The following PDE3A variants were observed in gnomAD, a reference collection of about 807,000 sequenced individuals.
PDE3A encodes the protein phosphodiesterase 3A.
In PDE3A, 43 loss-of-function variants were observed where a neutral mutation model predicts 98.3. The observed-to-expected ratio is 0.44, with a 90% CI of 0.34 to 0.56. PDE3A has a LOEUF of 0.56. Ranked by LOEUF, PDE3A falls within the 20% of genes least tolerant of loss-of-function variation. The pLI, the probability that PDE3A is intolerant of heterozygous loss-of-function variation, is 0.01. For synonymous variants in PDE3A, 663 were observed against 567.9 expected (o/e 1.17, Z -2.38); for missense variants, 1,427 against 1,440.7 (o/e 0.99, Z 0.15).
chr12:20,441,556 G>A (rs933753624), intron 1 of PDE3A, among the ~76,000 whole-genome samples: 1 of 152,162 alleles, frequency 6.6e-6, no homozygotes, highest in Non-Finnish European at 1.5e-5. Flanking sequence ...AAGTAGAAAT[G>A]TATGGATAAA....
chr12:20,459,518 C>A (rs1428605235), intron 1 of PDE3A, among the ~76,000 whole-genome samples: 1 of 151,992 alleles, frequency 6.6e-6, no homozygotes, highest in Non-Finnish European at 1.5e-5. Context: ...TTTACATACA[C>A]CTTTTAATGT....
chr12:20,659,947 C>A (rs562524608), intron 15 of PDE3A, among the ~76,000 whole-genome samples: 1 of 152,114 alleles, frequency 6.6e-6, no homozygotes, highest in African/African-American at 2.4e-5. Context: ...TACATATACA[C>A]AAAAGTAAAG....
At chr12:20,613,897 T>C (rs1320612357) in intron 3 of PDE3A, among the ~76,000 whole-genome samples, 197 bp downstream of exon 3, 1 of 152,172 alleles carries the variant, frequency 6.6e-6, no homozygotes, top group African/African-American at 2.4e-5. Context: ...TTTCTATACA[T>C]AGAAAATTTA....
intron 2 of PDE3A, among the ~76,000 whole-genome samples, chr12:20,603,743 T>C (rs1044699745): frequency 4.6e-5 from 7 of 152,186 alleles, no homozygotes; most frequent in African/African-American, 1.7e-4. Context: ...TGGTGATGTA[T>C]AATACTTATC....
chr12:20,551,858 G>A lies in PDE3A; in HGVS notation c.961-4802G>A, dbSNP rs967813799. 5.0e-6 allele frequency: 8 copies of A among 1,613,688 alleles called. No individual in the cohort carries two copies. In the Admixed American group the frequency reaches 1.2e-4, roughly 24 times the overall value. ...GCCTGTGTGGGCCGCACCAAGGAAT[G>A]TACCATCATCCCGTCCAACCACTAC... On this transcript the variant is annotated intron_variant, in intron 1 of 15. Coordinates refer to ENST00000359062, the MANE Select transcript of PDE3A (RefSeq NM_000921.5).
intron 1 of PDE3A, among the ~76,000 whole-genome samples, chr12:20,468,003 G>T (rs1214153383): frequency 1.8e-5 from 2 of 110,126 alleles, no homozygotes; most frequent in Admixed American, 1.1e-4. Context: ...GGATGAGAAC[G>T]TTTCTTGAAA....
intron 1 of PDE3A, among the ~76,000 whole-genome samples, chr12:20,392,588 T>G (rs1433877687): frequency 6.6e-6 from 1 of 151,874 alleles, no homozygotes; most frequent in Non-Finnish European, 1.5e-5. Flanking sequence ...GAAAACAGTA[T>G]GGAGGTTCCT....
At chr12:20,554,959 G>A (rs1028218113) in intron 1 of PDE3A, among the ~76,000 whole-genome samples, 26 of 151,864 alleles carry the variant, frequency 1.7e-4, no homozygotes, top group African/African-American at 6.0e-4. Context: ...CCCCAAATTT[G>A]GTTAAGTTTT....
chr12:20,427,794 T>C (rs775332893), intron 1 of PDE3A, among the ~76,000 whole-genome samples: 1 of 152,102 alleles, frequency 6.6e-6, no homozygotes, highest in Non-Finnish European at 1.5e-5. Context: ...AGTCACATTT[T>C]TTTTTCTTTT....
intron 1 of PDE3A, among the ~76,000 whole-genome samples, chr12:20,480,900 G>A (rs886190123): frequency 6.6e-6 from 1 of 152,206 alleles, no homozygotes; most frequent in Non-Finnish European, 1.5e-5. Context: ...AGGAGAAATT[G>A]TCTTCATTGA....
At chr12:20,569,732 A>C (rs1942750147) in intron 2 of PDE3A, among the ~76,000 whole-genome samples, 1 of 152,184 alleles carries the variant, frequency 6.6e-6, no homozygotes, top group African/African-American at 2.4e-5. Context: ...TTTGCACTTA[A>C]GTTTTTAATA....
intron 1 of PDE3A, among the ~76,000 whole-genome samples, chr12:20,478,556 A>G (rs951671660): frequency 6.6e-6 from 1 of 152,148 alleles, no homozygotes; most frequent in African/African-American, 2.4e-5. Context: ...TTGACATTCA[A>G]TAAAGACTCA....
chr12:20,562,284 G>A (rs371545671), intron 2 of PDE3A, among the ~76,000 whole-genome samples: 66 of 143,674 alleles, frequency 4.6e-4, no homozygotes, highest in African/African-American at 1.6e-3. Flanking sequence ...GCAGTGGTGC[G>A]ATCTCAGCTC....
chr12:20,603,908 C>T (rs1167820820), intron 2 of PDE3A, among the ~76,000 whole-genome samples: 4 of 152,112 alleles, frequency 2.6e-5, no homozygotes, highest in African/African-American at 9.7e-5. Context: ...TGGTGGCTCA[C>T]GCCTGTAATC....
At position 20,462,546 on chromosome 12, in the gene PDE3A, G is replaced by A. The variant is rs148267056; in HGVS notation, c.960+92302G>A. On this transcript the variant is annotated intron_variant, in intron 1 of 15. Transcript: ENST00000359062. The stretch of plus-strand genomic sequence containing the variant: ...TGGTTGTTTGTGAAGATTAGGGTCA[G>A]TAATAGACCCCTTTTAATAATTGTA... Among the ~76,000 whole-genome samples the A allele has an allele frequency of 1.1e-4, 17 of 152,288 alleles. No individual in the cohort carries two copies. The East Asian group carries it at 2.3e-3, about 21-fold the overall frequency.
At chr12:20,516,712 T>C (rs1053359451) in intron 1 of PDE3A, among the ~76,000 whole-genome samples, 4 of 152,236 alleles carry the variant, frequency 2.6e-5, no homozygotes, top group African/African-American at 7.2e-5. Flanking sequence ...TGCTATGGCC[T>C]CTTTGACTAC....
At chr12:20,424,643 G>A (rs112529725) in intron 1 of PDE3A, among the ~76,000 whole-genome samples, 10 of 152,182 alleles carry the variant, frequency 6.6e-5, no homozygotes, top group Non-Finnish European at 2.9e-5. Flanking sequence ...GATGATTTAT[G>A]TTGGAACTGC....
chr12:20,508,806 T>C (rs1214608472), intron 1 of PDE3A, among the ~76,000 whole-genome samples: 1 of 32,990 alleles, frequency 3.0e-5, no homozygotes, highest in Non-Finnish European at 5.6e-5. Flanking sequence ...AACCAAGTAG[T>C]TGATACCAAA....
chr12:20,633,209 G>A (rs1041302026), intron 6 of PDE3A, among the ~76,000 whole-genome samples: 4 of 151,994 alleles, frequency 2.6e-5, no homozygotes, highest in African/African-American at 9.7e-5. Context: ...CCTTGGCCTC[G>A]AAAAGTGCTG....
Sources: gnomAD v4.1 joint callset for allele counts (sites outside exome capture counted in the v4.1 genomes callset) on GRCh38, gnomAD v4.1.1 for gene constraint, MANE v1.5 for transcripts, NCBI Gene and HGNC (gene_info 2026-07-23, HGNC 2026-07-21) for gene names.